Variants in XRN1 observed in about 807,000 individuals in gnomAD.
XRN1 encodes strand-exchange protein 1 homolog.
XRN1 carries 67 observed loss-of-function variants against 222.3 expected under a neutral mutation model. The ratio of observed to expected loss-of-function variants is 0.30; its 90% CI spans 0.25 to 0.37. The LOEUF (loss-of-function observed/expected upper bound fraction) is 0.37, where lower values mean the gene tolerates loss of function less well. Ranked by LOEUF, XRN1 falls within the 10% of genes least tolerant of loss-of-function variation. The pLI is 1.00. For synonymous variants in XRN1, 643 were observed against 652.4 expected, an observed-to-expected ratio of 0.99 and a Z score of 0.22; for missense variants, 1,707 against 2,000.2, an observed-to-expected ratio of 0.85 and a Z score of 2.80.
At chr3:142,408,170 G>A (rs1036512957) in intron 15 of XRN1, among the ~76,000 whole-genome samples, 3 of 152,204 alleles carry the variant, frequency 2.0e-5, no homozygotes, top group Non-Finnish European at 4.4e-5. Flanking sequence ...AACACCCATA[G>A]GGGTAGCTGC....
chr3:142,368,662 C>A (rs371530000), intron 27 of XRN1, among the ~76,000 whole-genome samples: 18 of 152,292 alleles, frequency 1.2e-4, no homozygotes, highest in East Asian at 1.2e-3. Context: ...TTTCACTCTA[C>A]ATTGAAAGGC....
chr3:142,375,666 AGTTTACAT>A, intron 25 of XRN1, 124 bp downstream of exon 25: 1 of 852,020 alleles, frequency 1.2e-6, no homozygotes, highest in Non-Finnish European at 1.7e-6. Context: ...TGCAAAATTA[AGTTTACAT>A]GTAACATATG....
At chr3:142,404,203 T>C (rs969479538) in intron 16 of XRN1, among the ~76,000 whole-genome samples, 8 of 152,044 alleles carry the variant, frequency 5.3e-5, no homozygotes, top group Non-Finnish European at 1.0e-4. Flanking sequence ...TAAGTTGAGA[T>C]TTTCCCCATT....
At chr3:142,408,361 G>A (rs1437817058) in intron 15 of XRN1, among the ~76,000 whole-genome samples, 1 of 152,196 alleles carries the variant, frequency 6.6e-6, no homozygotes, top group Non-Finnish European at 1.5e-5. Context: ...TTGGGTGGGG[G>A]AATCTGGGTG....
At chr3:142,441,221 G>T (rs563646562) in intron 1 of XRN1, among the ~76,000 whole-genome samples, 1 of 152,190 alleles carries the variant, frequency 6.6e-6, no homozygotes, top group Non-Finnish European at 1.5e-5. Context: ...CAACTAAGAG[G>T]GTTCCTTGGC....
intron 39 of XRN1, among the ~76,000 whole-genome samples, chr3:142,317,230 G>T (rs1220971387): frequency 6.6e-6 from 1 of 152,062 alleles, no homozygotes; most frequent in African/African-American, 2.4e-5. Context: ...ATATCGTTTT[G>T]TTTTAGAAAA....
intron 1 of XRN1, 29 bp from the exon 2 acceptor site, chr3:142,432,922 C>A: frequency 6.5e-7 from 1 of 1,530,272 alleles, no homozygotes; most frequent in Non-Finnish European, 9.0e-7. Context: ...TGCTTGAGAT[C>A]ATTTATTTTA....
intron 37 of XRN1, 106 bp downstream of exon 37, chr3:142,329,328 A>T: frequency 1.3e-6 from 1 of 771,944 alleles, no homozygotes; most frequent in Non-Finnish European, 1.8e-6. Flanking sequence ...TCATAAAGTT[A>T]AGAAAAATAG....
At chr3:142,412,938 TTTC>T (rs1309666087) in intron 14 of XRN1, among the ~76,000 whole-genome samples, 7 of 152,308 alleles carry the variant, frequency 4.6e-5, no homozygotes, top group African/African-American at 1.4e-4. Flanking sequence ...TAAATTATTT[TTTC>T]TTGTTTTTTC....
At chr3:142,367,899 T>C (rs921379212) in intron 27 of XRN1, among the ~76,000 whole-genome samples, 5 of 149,774 alleles carry the variant, frequency 3.3e-5, no homozygotes, top group African/African-American at 9.8e-5. Flanking sequence ...TTACAGTGTT[T>C]TTTAGTTTTT....
chr3:142,368,764 C>T (rs1027947850), intron 27 of XRN1, among the ~76,000 whole-genome samples: 2 of 151,968 alleles, frequency 1.3e-5, no homozygotes, highest in Non-Finnish European at 2.9e-5. Context: ...ATATTTTTTC[C>T]TAAAGAGAAA....
intron 22 of XRN1, 91 bp from the exon 23 acceptor site, chr3:142,380,271 G>T: frequency 9.5e-7 from 1 of 1,050,752 alleles, no homozygotes; most frequent in Non-Finnish European, 1.4e-6. Context: ...AATACAGTAT[G>T]ACAAGTTGGA....
chr3:142,429,529 G>C (rs1050202832), intron 2 of XRN1, among the ~76,000 whole-genome samples: 7 of 152,210 alleles, frequency 4.6e-5, no homozygotes, highest in African/African-American at 1.7e-4. Context: ...AAGTAAAACA[G>C]GGAATTATGA....
At chr3:142,401,396 T>C (rs2068123333) in intron 18 of XRN1, among the ~76,000 whole-genome samples, 1 of 152,110 alleles carries the variant, frequency 6.6e-6, no homozygotes, top group South Asian at 2.1e-4. Context: ...TAGGAAATAA[T>C]ATCTTAAGTA....
chr3:142,326,780 T>A (rs1373913824), intron 37 of XRN1, among the ~76,000 whole-genome samples: 3 of 152,144 alleles, frequency 2.0e-5, no homozygotes, highest in South Asian at 2.1e-4. Flanking sequence ...TTGTTTATTA[T>A]GTTGAGGTAT....
intron 2 of XRN1, among the ~76,000 whole-genome samples, chr3:142,428,253 G>A (rs1246637220): frequency 1.3e-5 from 2 of 151,912 alleles, no homozygotes; most frequent in Admixed American, 6.6e-5. Context: ...AGAATTAGCC[G>A]GGTGTGGTGG....
At chr3:142,426,884 A>C in intron 2 of XRN1, 43 bp from the exon 3 acceptor site, 2 of 1,539,340 alleles carry the variant, frequency 1.3e-6, no homozygotes, top group Non-Finnish European at 1.8e-6. Flanking sequence ...TTTCTGAAAA[A>C]AAGTGAAGAT....
intron 33 of XRN1, among the ~76,000 whole-genome samples, chr3:142,337,358 T>C (rs563591746): frequency 6.6e-6 from 1 of 152,226 alleles, no homozygotes; most frequent in South Asian, 2.1e-4. Context: ...TTGCTTATTA[T>C]CAGTCTTCAT....
intron 33 of XRN1, among the ~76,000 whole-genome samples, chr3:142,342,413 GA>G (rs1402745319): frequency 2.0e-5 from 3 of 152,086 alleles, no homozygotes; most frequent in Non-Finnish European, 4.4e-5. Flanking sequence ...AAATACCAAT[GA>G]AATTCTTTAC....
Sources: allele counts gnomAD v4.1 joint callset (sites outside exome capture counted in the v4.1 genomes callset), GRCh38; gene constraint gnomAD v4.1.1; transcripts MANE v1.5; gene names NCBI Gene and HGNC (gene_info 2026-07-23, HGNC 2026-07-21).